Variants in CDH3 observed in about 807,000 individuals in gnomAD.
The protein encoded by CDH3 is cadherin-3.
Under a neutral mutation model 82.0 loss-of-function variants are expected in CDH3, and 54 were observed. The observed-to-expected ratio is 0.66, with a 90% CI of 0.53 to 0.83. The LOEUF is 0.83. CDH3 is among the 40% of genes least tolerant of loss of function. The pLI is 0.00. For missense variants in CDH3, 1,054 were observed against 1,084.6 expected (o/e 0.97, Z 0.40); for synonymous variants, 446 against 437.9 (o/e 1.02, Z -0.23).
In CDH3 at chr16:68,678,119, T is replaced by C. The variant is rs773031095; in HGVS notation, c.247-15T>C. ...CTATTTGCACATCTGGGTTAAGGAG[T>C]TTCTCTCCTTGCAGGAAAGAAGGTC... On this transcript the variant is annotated splice_polypyrimidine_tract_variant and intron_variant, in intron 3 of 15. Coordinates refer to ENST00000264012, the MANE Select transcript of CDH3 (RefSeq NM_001793.6). The C allele has an allele frequency of 1.2e-5, 20 of 1,610,004 alleles. No individual in the cohort carries two copies. In the East Asian group the frequency reaches 4.0e-4, roughly 32 times the overall value.
intron 12 of CDH3, among the ~76,000 whole-genome samples, chr16:68,689,165 T>G (rs534066200): frequency 6.6e-6 from 1 of 152,290 alleles, no homozygotes; most frequent in Admixed American, 6.5e-5. Context: ...ATTTCTGCAT[T>G]TGTAAAATGA....
downstream of CDH3, among the ~76,000 whole-genome samples, chr16:68,701,318 TG>T (rs1358108860): frequency 6.6e-6 from 1 of 152,098 alleles, no homozygotes; most frequent in Non-Finnish European, 1.5e-5. Context: ...ACTCTGGGCC[TG>T]CTTCTCATCT....
intron 2 of CDH3, among the ~76,000 whole-genome samples, chr16:68,674,591 C>T (rs796220893): frequency 1.2e-4 from 18 of 151,882 alleles, no homozygotes; most frequent in South Asian, 2.1e-4. Flanking sequence ...GAAAATTAGC[C>T]GGGTATGGTG....
chr16:68,670,380 C>T (rs1384593366), intron 2 of CDH3, among the ~76,000 whole-genome samples: 1 of 152,102 alleles, frequency 6.6e-6, no homozygotes, highest in Non-Finnish European at 1.5e-5. Context: ...CGCCACCACC[C>T]CTCACCCCCA....
Position 68,678,126 on chromosome 16 carries a change from C to T in CDH3, c.247-8C>T. On this transcript the variant is annotated splice_region_variant and splice_polypyrimidine_tract_variant and intron_variant, in intron 3 of 15. Transcript: ENST00000264012. ...CACATCTGGGTTAAGGAGTTTCTCT[C>T]CTTGCAGGAAAGAAGGTCACTGAAG... 6.2e-7 allele frequency: 1 copy of T among 1,613,452 alleles called. No homozygotes were observed. Among genetic ancestry groups the T allele is most frequent in the Non-Finnish European group, 8.5e-7 (1 of 1,179,430 alleles).
chr16:68,679,703 A>G, intron 6 of CDH3, 96 bp from the exon 7 acceptor site: 1 of 669,942 alleles, frequency 1.5e-6, no homozygotes. Context: ...TCAAAAAAAA[A>G]AAAAAAAAAA....
intron 2 of CDH3, among the ~76,000 whole-genome samples, chr16:68,653,591 G>A (rs1316135429): frequency 6.6e-6 from 1 of 152,030 alleles, no homozygotes; most frequent in Non-Finnish European, 1.5e-5. Context: ...GGGGAGAAAA[G>A]CTTCCCTTTC....
At chr16:68,710,126 G>T (rs367850934) in intron 1 of CDH3, among the ~76,000 whole-genome samples, 2 of 152,210 alleles carry the variant, frequency 1.3e-5, no homozygotes, top group Non-Finnish European at 2.9e-5. Flanking sequence ...GGAAGGAGGG[G>T]AAGTGGCAGT....
At chr16:68,717,095 A>T (rs902697173) in intron 1 of CDH3, among the ~76,000 whole-genome samples, 8 of 152,032 alleles carry the variant, frequency 5.3e-5, no homozygotes, top group Non-Finnish European at 1.2e-4. Context: ...TCAAAATGTC[A>T]ATTGTGATTA....
In CDH3 at chr16:68,646,510, C is replaced by CCCCCG. The variant is rs368020659; in HGVS notation, c.160+761_160+762insCCCGC. Among the ~76,000 whole-genome samples, 538 of 140,132 alleles carry CCCCCG rather than the reference C, an allele frequency of 3.8e-3. 5 individuals are homozygous for CCCCCG. Among genetic ancestry groups the CCCCCG allele is most frequent in the African/African-American group, 0.012 (451 of 38,728 alleles). The allele number at this position is 140,132 out of a possible 152,430, so 91.9% of individuals were successfully genotyped here. ...ATCCCTCAGTTACTCCTACCCCCCC[C>CCCCCG]CTCCCCGCCCCAAGTTCAAAAACCT... On this transcript the variant is annotated intron_variant, in intron 2 of 15. Coordinates refer to ENST00000264012, the MANE Select transcript of CDH3 (RefSeq NM_001793.6).
At chr16:68,664,257 C>T (rs1262312287) in intron 2 of CDH3, among the ~76,000 whole-genome samples, 1 of 152,096 alleles carries the variant, frequency 6.6e-6, no homozygotes, top group East Asian at 1.9e-4. Context: ...ATACTGATTT[C>T]AGGATATCTT....
At chr16:68,653,775 C>T (rs1353834144) in intron 2 of CDH3, among the ~76,000 whole-genome samples, 8 of 151,448 alleles carry the variant, frequency 5.3e-5, no homozygotes, top group Non-Finnish European at 7.4e-5. Flanking sequence ...CTGCAAGCTC[C>T]GCCTCCCAGG....
downstream of CDH3, among the ~76,000 whole-genome samples, chr16:68,702,757 C>T (rs895001727): frequency 5.9e-5 from 9 of 151,842 alleles, no homozygotes; most frequent in South Asian, 2.1e-4. Context: ...CCCAGCTACT[C>T]GGGAGGCTGA....
At chr16:68,645,847 T>A (rs1362215893) in intron 2 of CDH3, 97 bp downstream of exon 2, 5 of 898,130 alleles carry the variant, frequency 5.6e-6, no homozygotes, top group Non-Finnish European at 1.7e-6. Context: ...AAGGGACTCC[T>A]GGCGCCACCT....
chr16:68,684,203 G>T (rs1047850624), intron 9 of CDH3, among the ~76,000 whole-genome samples: 2 of 152,158 alleles, frequency 1.3e-5, no homozygotes, highest in African/African-American at 2.4e-5. Context: ...CTGCACTTGA[G>T]CCTGGGTGAC....
intron 2 of CDH3, among the ~76,000 whole-genome samples, chr16:68,652,799 AAG>A (rs1384065327): frequency 6.6e-5 from 10 of 152,184 alleles, no homozygotes; most frequent in Non-Finnish European, 7.4e-5. Flanking sequence ...AACTTTCTGT[AAG>A]AGGATCATAC....
chr16:68,679,717 A>AAAAAT (rs1961153837), intron 6 of CDH3, 82 bp from the exon 7 acceptor site: 1 of 799,022 alleles, frequency 1.3e-6, no homozygotes, highest in African/African-American at 1.8e-5. Flanking sequence ...AAAAAAAAAA[A>AAAAAT]AGAAAAGAAA....
At chr16:68,729,069 C>T (rs999345603), downstream of CDH3, among the ~76,000 whole-genome samples, 1 of 152,128 alleles carries the variant, frequency 6.6e-6, no homozygotes, top group Non-Finnish European at 1.5e-5. Flanking sequence ...CTTTGGGAGG[C>T]TGAGGCAGGC....
intron 7 of CDH3, among the ~76,000 whole-genome samples, chr16:68,680,596 T>C (rs895757549): frequency 6.6e-6 from 1 of 152,144 alleles, no homozygotes; most frequent in Non-Finnish European, 1.5e-5. Context: ...GGAGAATCAC[T>C]TGAACCTGGG....
Sources: gnomAD v4.1 joint callset for allele counts (sites outside exome capture counted in the v4.1 genomes callset) on GRCh38, gnomAD v4.1.1 for gene constraint, MANE v1.5 for transcripts, NCBI Gene and HGNC (gene_info 2026-07-23, HGNC 2026-07-21) for gene names.